FARS2: variants seen among roughly 807,000 people sequenced by gnomAD.
The protein encoded by FARS2 is phenylalanyl-tRNA synthetase 2, mitochondrial.
In FARS2, 40 loss-of-function variants were observed where a neutral mutation model predicts 46.4. The ratio of observed to expected loss-of-function variants is 0.86; its 90% CI spans 0.67 to 1.12. FARS2 has a LOEUF of 1.12. Ranked by LOEUF, FARS2 falls within the 50% of genes most tolerant of loss-of-function variation. FARS2 has a pLI of 0.00. For synonymous variants in FARS2, 234 were observed against 214.9 expected (o/e 1.09, Z -0.78); for missense variants, 513 against 567.9 (o/e 0.90, Z 0.98).
chr6:5,488,511 A>G (rs1266026299), intron 4 of FARS2, among the ~76,000 whole-genome samples: 1 of 152,218 alleles, frequency 6.6e-6, no homozygotes, highest in Non-Finnish European at 1.5e-5. Flanking sequence ...CATCATTACA[A>G]TGTGTTCATA....
At chr6:5,463,060 G>A (rs1765332194) in intron 4 of FARS2, among the ~76,000 whole-genome samples, 1 of 152,180 alleles carries the variant, frequency 6.6e-6, no homozygotes. Context: ...GTGGACAATG[G>A]GCTGTGTTCC....
At chr6:5,499,090 G>A (rs886350642) in intron 4 of FARS2, among the ~76,000 whole-genome samples, 3 of 152,156 alleles carry the variant, frequency 2.0e-5, no homozygotes, top group African/African-American at 7.2e-5. Flanking sequence ...CAGAGATGGG[G>A]TTTCACCATG....
At chr6:5,372,687 A>G (rs1759132829) in intron 2 of FARS2, among the ~76,000 whole-genome samples, 1 of 152,156 alleles carries the variant, frequency 6.6e-6, no homozygotes, top group South Asian at 2.1e-4. Context: ...CCAGCAATGA[A>G]AATACTTTGA....
intron 5 of FARS2, among the ~76,000 whole-genome samples, chr6:5,568,136 TTCTG>T (rs1197555437): frequency 9.2e-5 from 14 of 152,176 alleles, no homozygotes; most frequent in Admixed American, 1.3e-4. Context: ...CCTTCCCCCT[TTCTG>T]TCTGTGTCTC....
chr6:5,332,654 A>G (rs1198025227), intron 1 of FARS2, among the ~76,000 whole-genome samples: 2 of 152,256 alleles, frequency 1.3e-5, no homozygotes, highest in Non-Finnish European at 2.9e-5. Flanking sequence ...ACCTGAAGGT[A>G]TACACCTATT....
At chr6:5,318,216 T>C (rs747641341) in intron 1 of FARS2, among the ~76,000 whole-genome samples, 3 of 151,732 alleles carry the variant, frequency 2.0e-5, no homozygotes, top group Non-Finnish European at 4.4e-5. Context: ...AAAATTAGCC[T>C]GGTGTGGTGG....
At chr6:5,411,936 C>G (rs889349807) in intron 3 of FARS2, among the ~76,000 whole-genome samples, 1 of 152,174 alleles carries the variant, frequency 6.6e-6, no homozygotes, top group African/African-American at 2.4e-5. Flanking sequence ...GGATTTCTAA[C>G]TTTTAAATTT....
At chr6:5,472,793 G>C (rs1288123813) in intron 4 of FARS2, among the ~76,000 whole-genome samples, 1 of 151,974 alleles carries the variant, frequency 6.6e-6, no homozygotes, top group Non-Finnish European at 1.5e-5. Context: ...ATAAATATTT[G>C]TTTGCTCAAT....
intron 5 of FARS2, among the ~76,000 whole-genome samples, chr6:5,601,375 T>A (rs1774503015): frequency 6.6e-6 from 1 of 151,456 alleles, no homozygotes; most frequent in Admixed American, 6.6e-5. Flanking sequence ...TACAAAAAAA[T>A]TAGCCAGGCA....
intron 6 of FARS2, chr6:5,695,397 T>C (rs1758038552): frequency 6.6e-6 from 1 of 152,280 alleles, no homozygotes; most frequent in Admixed American, 6.5e-5. Flanking sequence ...GAAACAGGAA[T>C]TTGCCACATG....
intron 6 of FARS2, among the ~76,000 whole-genome samples, chr6:5,687,598 G>A (rs961517050): frequency 2.0e-5 from 3 of 152,206 alleles, no homozygotes; most frequent in Non-Finnish European, 4.4e-5. Context: ...TTTGGTTACT[G>A]TAGCCTTGCA....
intron 4 of FARS2, among the ~76,000 whole-genome samples, chr6:5,444,295 C>G (rs546194090): frequency 6.6e-6 from 1 of 151,656 alleles, no homozygotes; most frequent in Non-Finnish European, 1.5e-5. Context: ...GGTGAAGCCC[C>G]GTCTCTACTA....
rs115182791 is a variant in FARS2, at chr6:5,262,947, A to G, written c.-22+1287A>G. Among the ~76,000 whole-genome samples the G allele has an allele frequency of 7.1e-3, 1,087 of 152,294 alleles. 5 individuals carry two copies. Among genetic ancestry groups the G allele is most frequent in the Non-Finnish European group, 0.012 (829 of 68,032 alleles). ...AAGACCAAGGCAATTGCACATTGTT[A>G]TAGAGTAAGATTCAGAGCTGATTTC... On this transcript the variant is annotated intron_variant, in intron 1 of 6. Coordinates refer to ENST00000274680, the MANE Select transcript of FARS2 (RefSeq NM_006567.5).
At chr6:5,290,136 T>A (rs1466568850) in intron 1 of FARS2, among the ~76,000 whole-genome samples, 1 of 152,198 alleles carries the variant, frequency 6.6e-6, no homozygotes, top group Non-Finnish European at 1.5e-5. Flanking sequence ...GGAAAGTTGA[T>A]TTTTGGTATA....
At chr6:5,332,267 G>A (rs1056881021) in intron 1 of FARS2, among the ~76,000 whole-genome samples, 7 of 152,202 alleles carry the variant, frequency 4.6e-5, no homozygotes, top group Admixed American at 2.0e-4. Flanking sequence ...ATGAAGCCAC[G>A]CACTTTGCAG....
At chr6:5,403,181 C>T (rs998666914) in intron 2 of FARS2, among the ~76,000 whole-genome samples, 1 of 152,148 alleles carries the variant, frequency 6.6e-6, no homozygotes, top group Non-Finnish European at 1.5e-5. Flanking sequence ...TCTCTGAAAA[C>T]GGTTTTGTCT....
intron 5 of FARS2, among the ~76,000 whole-genome samples, chr6:5,576,853 C>T (rs1773016996): frequency 6.6e-6 from 1 of 151,248 alleles, no homozygotes; most frequent in Non-Finnish European, 1.5e-5. Context: ...TAATTTTGAA[C>T]CTCTTATCTT....
chr6:5,389,910 G>A (rs1482173504), intron 2 of FARS2, among the ~76,000 whole-genome samples: 4 of 152,070 alleles, frequency 2.6e-5, no homozygotes. Context: ...TGTCACCCAA[G>A]CTGGAATGCA....
chr6:5,722,370 G>A (rs1016885511), intron 6 of FARS2, among the ~76,000 whole-genome samples: 3 of 152,186 alleles, frequency 2.0e-5, no homozygotes, highest in East Asian at 1.9e-4. Context: ...TAGACAAGAC[G>A]TTTTTCTTGT....
Sources: gnomAD v4.1 joint callset for allele counts (sites outside exome capture counted in the v4.1 genomes callset) on GRCh38, gnomAD v4.1.1 for gene constraint, MANE v1.5 for transcripts, NCBI Gene and HGNC (gene_info 2026-07-23, HGNC 2026-07-21) for gene names.